Variants in NTRK3 observed in about 807,000 individuals in gnomAD.
NTRK3 encodes neurotrophic receptor tyrosine kinase 3.
In NTRK3, 24 loss-of-function variants were observed where a neutral mutation model predicts 91.7. The observed-to-expected ratio is 0.26, with a 90% CI of 0.19 to 0.37. The LOEUF (loss-of-function observed/expected upper bound fraction) is 0.37, where lower values mean the gene tolerates loss of function less well. NTRK3 is among the 10% of genes least tolerant of loss of function. The pLI is 1.00. For synonymous variants in NTRK3, 483 were observed against 404.0 expected (o/e 1.20, Z -2.34); for missense variants, 880 against 1,068.9 (o/e 0.82, Z 2.46).
intron 3 of NTRK3, among the ~76,000 whole-genome samples, chr15:88,239,115 A>T (rs989479054): frequency 6.6e-6 from 1 of 152,156 alleles, no homozygotes; most frequent in African/African-American, 2.4e-5. Context: ...ATCCACAAAC[A>T]TGGGTCTGGG....
intron 17 of NTRK3, among the ~76,000 whole-genome samples, chr15:87,881,129 T>C (rs577947852): frequency 3.3e-4 from 51 of 152,280 alleles, no homozygotes; most frequent in Admixed American, 5.2e-4. Flanking sequence ...AGGAAGTGAC[T>C]GACAAGGATA....
At chr15:87,930,014 G>GC in intron 16 of NTRK3, among the ~76,000 whole-genome samples, 1 of 152,236 alleles carries the variant, frequency 6.6e-6, no homozygotes, top group Non-Finnish European at 1.5e-5. Context: ...CCCTGGCCCT[G>GC]CCCCCTAGGA....
chr15:87,914,328 A>ATG (rs2141773226), intron 17 of NTRK3, among the ~76,000 whole-genome samples: 1 of 152,262 alleles, frequency 6.6e-6, no homozygotes, highest in South Asian at 2.1e-4. Flanking sequence ...TGATAAGCAG[A>ATG]TGTCAGATGT....
At chr15:87,911,747 T>A (rs1197251135) in intron 17 of NTRK3, among the ~76,000 whole-genome samples, 1 of 152,224 alleles carries the variant, frequency 6.6e-6, no homozygotes, top group Non-Finnish European at 1.5e-5. Flanking sequence ...TCATCCCAGA[T>A]CAGTCATTCG....
At chr15:88,209,001 C>T (rs1264602715) in intron 3 of NTRK3, among the ~76,000 whole-genome samples, 1 of 152,120 alleles carries the variant, frequency 6.6e-6, no homozygotes, top group African/African-American at 2.4e-5. Flanking sequence ...CCAGGTACTG[C>T]CCACAGCAAA....
In NTRK3 at chr15:88,086,551, G is replaced by A. The variant is rs564393722; in HGVS notation, c.1396+39720C>T. Among the ~76,000 whole-genome samples, 38 of 150,846 alleles carry A rather than the reference G, an allele frequency of 2.5e-4. 1 individual carries two copies. The highest frequency in any genetic ancestry group is 9.2e-4 in the African/African-American group (37 of 40,262). ...TGGCTACTAGAAAACATCAAAGTAT[G>A]TATGGGGCTCTCTCGTATTCTGATT... On this transcript the variant is annotated intron_variant, in intron 13 of 18. Transcript: ENST00000394480.
chr15:87,887,670 G>C (rs2065628381), intron 17 of NTRK3, among the ~76,000 whole-genome samples: 1 of 152,164 alleles, frequency 6.6e-6, no homozygotes, highest in Non-Finnish European at 1.5e-5. Context: ...TCTGGGAAAG[G>C]TAGTGGTCAA....
intron 14 of NTRK3, among the ~76,000 whole-genome samples, chr15:88,032,052 GCT>G (rs1271615807): frequency 1.3e-5 from 2 of 152,148 alleles, no homozygotes; most frequent in South Asian, 2.1e-4. Flanking sequence ...GAGCTGCTGT[GCT>G]CTCTCTTGAT....
intron 14 of NTRK3, chr15:87,979,420 A>T (rs1473596774): frequency 6.2e-7 from 1 of 1,613,822 alleles, no homozygotes; most frequent in African/African-American, 1.3e-5. Flanking sequence ...GAGGCTTGGA[A>T]TGTCCGGGAA....
At chr15:88,057,296 A>AGACCAGCCT (rs1394560708) in intron 13 of NTRK3, among the ~76,000 whole-genome samples, 1 of 151,654 alleles carries the variant, frequency 6.6e-6, no homozygotes, top group Non-Finnish European at 1.5e-5. Context: ...CAGGAGTTTG[A>AGACCAGCCT]GACCAGCCTG....
chr15:88,216,911 T>C (rs2049823718), intron 3 of NTRK3, among the ~76,000 whole-genome samples: 1 of 152,190 alleles, frequency 6.6e-6, no homozygotes, highest in African/African-American at 2.4e-5. Context: ...GAACTATATT[T>C]GGTGGTGACC....
intron 15 of NTRK3, among the ~76,000 whole-genome samples, chr15:87,933,764 C>T (rs560324429): frequency 4.0e-4 from 61 of 152,240 alleles, no homozygotes; most frequent in South Asian, 1.7e-3. Context: ...TGTGTTCTCC[C>T]AATAGGGGTT....
intron 16 of NTRK3, among the ~76,000 whole-genome samples, chr15:87,931,929 T>G (rs1241205245): frequency 6.6e-6 from 1 of 152,212 alleles, no homozygotes; most frequent in African/African-American, 2.4e-5. Context: ...TCAATGAGAT[T>G]CAAATTGTGG....
intron 14 of NTRK3, among the ~76,000 whole-genome samples, chr15:88,003,106 C>A (rs1407599337): frequency 6.6e-6 from 1 of 152,194 alleles, no homozygotes; most frequent in Admixed American, 6.5e-5. Context: ...GAAAAAAAAT[C>A]ATTAAGTTAT....
intron 17 of NTRK3, among the ~76,000 whole-genome samples, chr15:87,910,799 G>T (rs185857570): frequency 4.6e-4 from 70 of 152,272 alleles, no homozygotes; most frequent in Middle Eastern, 3.4e-3. Context: ...TGCATCACTG[G>T]CAGTTGCAGG....
chr15:88,255,674 CCGGGGAG>C lies in NTRK3; in HGVS notation c.248+225_248+231del, dbSNP rs2053968377. On this transcript the variant is annotated intron_variant, in intron 3 of 18. Coordinates refer to ENST00000394480, the Ensembl canonical transcript of NTRK3. The surrounding 1 kb of genome is among the most constrained non-coding windows in gnomAD (Gnocchi z 4.3). ...GTGCCCTCGGCGGCCGGGGTCCTCT[CCGGGGAG>C]AGGCACACACACGCATAGCCGGATC... Among the ~76,000 whole-genome samples, 3 of 152,152 alleles carry C rather than the reference CCGGGGAG, an allele frequency of 2.0e-5. No individual in the cohort carries two copies. The South Asian group carries it at 6.2e-4, about 32-fold the overall frequency.
At chr15:87,997,936 T>C (rs1223743836) in intron 14 of NTRK3, among the ~76,000 whole-genome samples, 2 of 152,176 alleles carry the variant, frequency 1.3e-5, no homozygotes, top group African/African-American at 4.8e-5. Flanking sequence ...TTTTCCAATC[T>C]GTAAAAGGGA....
At chr15:88,117,391 T>C (rs2052213038) in intron 13 of NTRK3, among the ~76,000 whole-genome samples, 1 of 152,186 alleles carries the variant, frequency 6.6e-6, no homozygotes, top group African/African-American at 2.4e-5. Context: ...CTACTATGAT[T>C]AGAAGTGAAA....
chr15:88,147,309 T>C, intron 6 of NTRK3, 26 bp downstream of exon 6: 1 of 1,608,464 alleles, frequency 6.2e-7, no homozygotes. Context: ...CTTCAGTACC[T>C]GGACAGTCTT....
Sources: allele counts gnomAD v4.1 joint callset (sites outside exome capture counted in the v4.1 genomes callset), GRCh38; gene constraint gnomAD v4.1.1; non-coding constraint Gnocchi (gnomAD v3.1); transcripts MANE v1.5; gene names NCBI Gene and HGNC (gene_info 2026-07-23, HGNC 2026-07-21).